The following SCAPER variants were observed in gnomAD, a reference collection of about 807,000 sequenced individuals.
SCAPER encodes the protein S-phase cyclin A associated protein in the ER.
A neutral mutation model predicts 182.2 loss-of-function variants in SCAPER; 98 were observed. That is an observed-to-expected ratio of 0.54 (90% CI 0.46 to 0.64). The LOEUF (loss-of-function observed/expected upper bound fraction) is 0.64. Ranked by LOEUF, SCAPER falls within the 30% of genes least tolerant of loss-of-function variation. The probability of loss-of-function intolerance (pLI) is 0.00; values close to 1 mark genes in which losing one functional copy is unlikely to be tolerated. For missense variants in SCAPER, 1,432 were observed against 1,690.0 expected, an observed-to-expected ratio of 0.85 and a Z score of 2.68; for synonymous variants, 605 against 564.6, an observed-to-expected ratio of 1.07 and a Z score of -1.01.
intron 29 of SCAPER, among the ~76,000 whole-genome samples, chr15:76,375,091 G>A (rs1179096633): frequency 2.6e-5 from 4 of 151,000 alleles, no homozygotes; most frequent in Admixed American, 6.6e-5. Flanking sequence ...GATGGTACCC[G>A]CCGGTAGACC....
chr15:76,724,441 T>C (rs2060465638), intron 17 of SCAPER, among the ~76,000 whole-genome samples: 1 of 152,126 alleles, frequency 6.6e-6, no homozygotes, highest in Non-Finnish European at 1.5e-5. Context: ...TTTGTGGCAT[T>C]CTCTGTATTT....
intron 25 of SCAPER, among the ~76,000 whole-genome samples, chr15:76,444,219 T>A (rs931661794): frequency 2.0e-5 from 3 of 152,204 alleles, no homozygotes; most frequent in Non-Finnish European, 4.4e-5. Context: ...TGACTTCTTG[T>A]TTCCTAATCT....
chr15:76,837,352 G>A (rs545597437), intron 5 of SCAPER, among the ~76,000 whole-genome samples: 5 of 152,290 alleles, frequency 3.3e-5, no homozygotes, highest in African/African-American at 1.2e-4. Flanking sequence ...TAAAGGAGAG[G>A]TTTAACTGAC....
At chr15:76,622,285 G>GA (rs1387020374) in intron 21 of SCAPER, among the ~76,000 whole-genome samples, 3 of 151,040 alleles carry the variant, frequency 2.0e-5, no homozygotes, top group South Asian at 2.1e-4. Flanking sequence ...TCTTTTTGGA[G>GA]AAAAAAAAGA....
At chr15:76,631,961 T>C (rs1246932378) in intron 21 of SCAPER, among the ~76,000 whole-genome samples, 1 of 152,194 alleles carries the variant, frequency 6.6e-6, no homozygotes, top group Admixed American at 6.5e-5. Flanking sequence ...GTCCCATAGT[T>C]CTCAGAGGTT....
intron 14 of SCAPER, 146 bp downstream of exon 14, chr15:76,764,815 T>A: frequency 1.8e-6 from 1 of 556,472 alleles, no homozygotes; most frequent in Non-Finnish European, 3.1e-6. Context: ...TTAACCTTCT[T>A]GGATTCAATA....
chr15:76,643,336 A>C (rs7181506), intron 21 of SCAPER, among the ~76,000 whole-genome samples: 43,611 of 152,014 alleles, frequency 0.29, 6,801 homozygotes, highest in East Asian at 0.55. Flanking sequence ...CTGTTGAACT[A>C]CTTCCTCACA....
chr15:76,600,459 T>A lies in SCAPER; in HGVS notation c.2711+21305A>T, dbSNP rs1300403225. ...CATATACATATATATATATATTTTT[T>A]TTTTTTTGAGATGAAGTCTCGCTCT... On this transcript the variant is annotated intron_variant, in intron 22 of 31. Transcript: ENST00000563290. Among the ~76,000 whole-genome samples the A allele has an allele frequency of 3.3e-4, 37 of 111,258 alleles. 3 individuals carry two copies. Among genetic ancestry groups the A allele is most frequent in the African/African-American group, 9.8e-4 (37 of 37,930 alleles). 73.0% of individuals were successfully genotyped at this position (111,258 alleles called of 152,430 possible). A position where few individuals can be genotyped will look rare whatever the true frequency, so the allele number is the denominator to read the frequency against.
At chr15:76,789,956 C>T (rs142265294) in intron 8 of SCAPER, among the ~76,000 whole-genome samples, 324 of 152,218 alleles carry the variant, frequency 2.1e-3, no homozygotes, top group African/African-American at 7.6e-3. Flanking sequence ...GGGCCGGGCG[C>T]GGTGGCTCAC....
chr15:76,835,171 C>G (rs971490862), intron 5 of SCAPER, among the ~76,000 whole-genome samples: 1 of 151,778 alleles, frequency 6.6e-6, no homozygotes, highest in African/African-American at 2.4e-5. Flanking sequence ...GAACACAATC[C>G]CATTCACAAT....
At chr15:76,628,058 T>C (rs961641184) in intron 21 of SCAPER, among the ~76,000 whole-genome samples, 6 of 152,258 alleles carry the variant, frequency 3.9e-5, no homozygotes, top group African/African-American at 1.4e-4. Context: ...GAGCTTTTCT[T>C]CATATGTTTG....
rs560483088 is a variant in SCAPER, at chr15:76,824,060, C to T, written c.393+17674G>A. Among the ~76,000 whole-genome samples the T allele has an allele frequency of 3.3e-5, 5 of 152,194 alleles. No individual in the cohort carries two copies. In the East Asian group the frequency reaches 7.7e-4, roughly 23 times the overall value. The stretch of plus-strand genomic sequence containing the variant: ...TTATCAAAAATGATCAGAGTGGTAC[C>T]ACGCAGCTGTAATCCGAGTCATGTT... On this transcript the variant is annotated intron_variant, in intron 5 of 31. Coordinates refer to ENST00000563290, the MANE Select transcript of SCAPER (RefSeq NM_020843.4).
At chr15:76,411,388 T>C (rs1255691735) in intron 26 of SCAPER, among the ~76,000 whole-genome samples, 2 of 152,126 alleles carry the variant, frequency 1.3e-5, no homozygotes, top group African/African-American at 4.8e-5. Flanking sequence ...AGATTTGGGA[T>C]GTTCAACTGG....
intron 2 of SCAPER, among the ~76,000 whole-genome samples, chr15:76,875,590 C>T (rs574352892): frequency 3.9e-5 from 6 of 152,324 alleles, no homozygotes; most frequent in East Asian, 1.9e-4. Context: ...TTGCAGTGAG[C>T]TGAGACTGTG....
chr15:76,397,909 T>C lies in SCAPER; in HGVS notation c.3467+6615A>G, dbSNP rs1314350460. On this transcript the variant is annotated intron_variant, in intron 27 of 31. Coordinates refer to ENST00000563290, the MANE Select transcript of SCAPER (RefSeq NM_020843.4). Reference sequence around the variant, plus strand: ...TCCATTTCCTCTAGTAAAAAGGTTTTAATGACGCTATTGCCGTTACCACAT... The same window carrying C: ...TCCATTTCCTCTAGTAAAAAGGTTTCAATGACGCTATTGCCGTTACCACAT... Among the ~76,000 whole-genome samples the C allele has an allele frequency of 3.3e-5, 5 of 152,338 alleles. No homozygotes were observed. In the East Asian group the frequency reaches 7.7e-4, roughly 23 times the overall value.
intron 5 of SCAPER, among the ~76,000 whole-genome samples, chr15:76,808,159 C>A (rs2066318756): frequency 6.6e-6 from 1 of 152,128 alleles, no homozygotes; most frequent in African/African-American, 2.4e-5. Flanking sequence ...AACTACTAGC[C>A]CCCAGTTTCT....
intron 23 of SCAPER, among the ~76,000 whole-genome samples, chr15:76,571,961 A>C (rs2047460870): frequency 6.6e-6 from 1 of 152,174 alleles, no homozygotes; most frequent in Non-Finnish European, 1.5e-5. Flanking sequence ...AAGTAGCAAA[A>C]GGATCTTATT....
At chr15:76,496,582 G>T (rs2040569867) in intron 24 of SCAPER, among the ~76,000 whole-genome samples, 1 of 152,052 alleles carries the variant, frequency 6.6e-6, no homozygotes, top group African/African-American at 2.4e-5. Context: ...TAGGACCTAG[G>T]GATAGTAAGT....
intron 22 of SCAPER, among the ~76,000 whole-genome samples, chr15:76,598,635 G>A (rs959917924): frequency 1.6e-5 from 2 of 121,272 alleles, no homozygotes; most frequent in African/African-American, 5.0e-5. Flanking sequence ...AAAAGGATGA[G>A]TTCATGTCCT....
Sources: gnomAD v4.1 joint callset for allele counts (sites outside exome capture counted in the v4.1 genomes callset) on GRCh38, gnomAD v4.1.1 for gene constraint, MANE v1.5 for transcripts, NCBI Gene and HGNC (gene_info 2026-07-23, HGNC 2026-07-21) for gene names.